ST8SIA6: variants seen among roughly 807,000 people sequenced by gnomAD.
ST8SIA6 encodes the protein ST8 alpha-N-acetyl-neuraminide alpha-2,8-sialyltransferase 6.
Under a neutral mutation model 33.6 loss-of-function variants are expected in ST8SIA6, and 39 were observed. The observed-to-expected ratio is 1.16, with a 90% CI of 0.90 to 1.52. The LOEUF is 1.52. Ranked by LOEUF, ST8SIA6 falls within the 40% of genes most tolerant of loss-of-function variation. The probability of loss-of-function intolerance (pLI) is 0.00; values close to 1 mark genes in which losing one functional copy is unlikely to be tolerated. For missense variants in ST8SIA6, 441 were observed against 443.8 expected (o/e 0.99, Z 0.06); for synonymous variants, 172 against 167.2 (o/e 1.03, Z -0.22).
chr10:17,329,831 C>T (rs943961706), intron 5 of ST8SIA6, among the ~76,000 whole-genome samples: 2 of 152,182 alleles, frequency 1.3e-5, no homozygotes, highest in African/African-American at 4.8e-5. Flanking sequence ...TGTGCACGCT[C>T]CACTGCCTGC....
Position 17,374,764 on chromosome 10 carries a change from T to TATATATATATATATATATACACAC in ST8SIA6, c.291-15165_291-15164insGTGTGTATATATATATATATATAT, listed in dbSNP as rs1441288579. Among the ~76,000 whole-genome samples, 68 of 126,844 alleles carry TATATATATATATATATATACACAC rather than the reference T, an allele frequency of 5.4e-4. 2 individuals carry two copies. The highest frequency in any genetic ancestry group is 7.8e-4 in the Non-Finnish European group (47 of 60,304). The allele number at this position is 126,844 out of a possible 152,430, so 83.2% of individuals were successfully genotyped here. A position where few individuals can be genotyped will look rare whatever the true frequency, so the allele number is the denominator to read the frequency against. On this transcript the variant is annotated intron_variant, in intron 3 of 7. Coordinates refer to ENST00000377602, the MANE Select transcript of ST8SIA6 (RefSeq NM_001004470.3). Reference sequence around the variant, plus strand: ...TAAATAAATAATAAATATATATATATATATTTAGCTCAACTGCCCTCCCAA... The same window carrying TATATATATATATATATATACACAC: ...TAAATAAATAATAAATATATATATATATATATATATATATATATACACACATATTTAGCTCAACTGCCCTCCCAA...
chr10:17,449,977 T>A (rs748960719), intron 2 of ST8SIA6, among the ~76,000 whole-genome samples: 4 of 152,126 alleles, frequency 2.6e-5, no homozygotes, highest in Non-Finnish European at 4.4e-5. Flanking sequence ...AAGAGTAGGG[T>A]CACATCTACT....
chr10:17,321,374 A>C, intron 7 of ST8SIA6, 28 bp from the exon 8 acceptor site: 1 of 1,530,080 alleles, frequency 6.5e-7, no homozygotes, highest in Non-Finnish European at 8.8e-7. Context: ...AATTATAGTA[A>C]TCCCAAGAAT....
intron 3 of ST8SIA6, among the ~76,000 whole-genome samples, chr10:17,374,764 T>TATATATATATATATATATATATATATAC (rs1441288579): frequency 7.1e-5 from 9 of 126,850 alleles, no homozygotes; most frequent in African/African-American, 2.4e-4. Flanking sequence ...TATATATATA[T>TATATATATATATATATATATATATATAC]ATATTTAGCT....
At chr10:17,322,956 C>T in intron 7 of ST8SIA6, 109 bp downstream of exon 7, 1 of 967,768 alleles carries the variant, frequency 1.0e-6, no homozygotes, top group South Asian at 2.0e-5. Flanking sequence ...AAACTCATTC[C>T]ACCTGTACTG....
intron 3 of ST8SIA6, among the ~76,000 whole-genome samples, chr10:17,371,721 G>C (rs1355530072): frequency 6.7e-6 from 1 of 149,182 alleles, no homozygotes; most frequent in Non-Finnish European, 1.5e-5. Flanking sequence ...AGGAGGCAGG[G>C]GTTGCAGTGA....
rs542359072 is a variant in ST8SIA6, at chr10:17,436,281, T to TG, written c.200+17277dup. Among the ~76,000 whole-genome samples, 488 of 152,182 alleles carry TG rather than the reference T, an allele frequency of 3.2e-3. 3 individuals carry two copies. The highest frequency in any genetic ancestry group is 9.6e-3 in the South Asian group (46 of 4,812). ...TTCCCACATGTTGTGGGAGGGTCCC[T>TG]GGGGGGGAGGTAATTGAATCATGGG... On this transcript the variant is annotated intron_variant, in intron 2 of 7. Coordinates refer to ENST00000377602, the MANE Select transcript of ST8SIA6 (RefSeq NM_001004470.3).
rs550574350 is a variant in ST8SIA6 at position 17,319,709 on chromosome 10, T to C, written c.*1169A>G. Among the ~76,000 whole-genome samples, 12 of 152,344 alleles carry C rather than the reference T, an allele frequency of 7.9e-5. No homozygotes were observed. The highest frequency in any genetic ancestry group is 1.6e-4 in the Non-Finnish European group (11 of 68,020). On this transcript the variant is annotated 3_prime_UTR_variant, in exon 8 of 8. Transcript: ENST00000377602. ...AAGTAAGCTCTAAATGTCCTAACTA[T>C]ATGTAAGTTTTATTAAAATAGCATA...
At chr10:17,453,708 T>C in intron 1 of ST8SIA6, 51 bp from the exon 2 acceptor site, 2 of 1,239,306 alleles carry the variant, frequency 1.6e-6, no homozygotes, top group South Asian at 3.9e-5. Flanking sequence ...CGGGAGCTGT[T>C]GGCTGAAAGG....
intron 2 of ST8SIA6, among the ~76,000 whole-genome samples, chr10:17,391,541 C>T (rs140461117): frequency 0.017 from 2,653 of 152,260 alleles, 77 homozygotes; most frequent in African/African-American, 0.06. Context: ...GGATTACAGG[C>T]GTGAGCCACC....
chr10:17,343,234 A>G (rs1440553459), intron 4 of ST8SIA6, among the ~76,000 whole-genome samples: 1 of 152,166 alleles, frequency 6.6e-6, no homozygotes, highest in African/African-American at 2.4e-5. Flanking sequence ...AAGGTGAACA[A>G]CGGTTGTTAA....
intron 4 of ST8SIA6, among the ~76,000 whole-genome samples, chr10:17,354,829 C>A (rs1849142664): frequency 6.6e-6 from 1 of 152,162 alleles, no homozygotes; most frequent in African/African-American, 2.4e-5. Context: ...GCCACAGATT[C>A]TTTTCCCAGA....
At chr10:17,394,722 G>C (rs1429069159) in intron 2 of ST8SIA6, among the ~76,000 whole-genome samples, 1 of 152,154 alleles carries the variant, frequency 6.6e-6, no homozygotes, top group Non-Finnish European at 1.5e-5. Flanking sequence ...GGATAAGAGA[G>C]GACACTAGCT....
chr10:17,421,649 A>T (rs1201459377), intron 2 of ST8SIA6, among the ~76,000 whole-genome samples: 1 of 151,914 alleles, frequency 6.6e-6, no homozygotes, highest in African/African-American at 2.4e-5. Flanking sequence ...TGCTGCCTCA[A>T]CCTCCTGGGA....
intron 2 of ST8SIA6, among the ~76,000 whole-genome samples, chr10:17,447,806 A>G (rs1852774312): frequency 6.6e-6 from 1 of 152,014 alleles, no homozygotes; most frequent in Admixed American, 6.5e-5. Context: ...TTTAACTAAT[A>G]TTAAAATTTA....
At chr10:17,336,594 CTTTT>C (rs10536702) in intron 4 of ST8SIA6, among the ~76,000 whole-genome samples, 2 of 126,938 alleles carry the variant, frequency 1.6e-5, no homozygotes, top group Non-Finnish European at 3.3e-5. Context: ...CACATGTGTG[CTTTT>C]TTTTTTTTTT....
intron 2 of ST8SIA6, among the ~76,000 whole-genome samples, chr10:17,401,515 A>G (rs1851041138): frequency 6.6e-6 from 1 of 152,216 alleles, no homozygotes; most frequent in Admixed American, 6.5e-5. Context: ...GCATCACGCT[A>G]CCTGACTTCA....
intron 3 of ST8SIA6, among the ~76,000 whole-genome samples, chr10:17,359,836 A>G (rs1307593843): frequency 6.6e-6 from 1 of 152,144 alleles, no homozygotes; most frequent in African/African-American, 2.4e-5. Context: ...GTGTAGTATT[A>G]AAAACCGTGA....
intron 2 of ST8SIA6, among the ~76,000 whole-genome samples, chr10:17,398,562 G>A (rs189341449): frequency 3.9e-4 from 60 of 152,234 alleles, no homozygotes; most frequent in African/African-American, 1.3e-3. Flanking sequence ...GGGCAACAAA[G>A]GAGTTTCAAG....
Sources: allele counts gnomAD v4.1 joint callset (sites outside exome capture counted in the v4.1 genomes callset), GRCh38; gene constraint gnomAD v4.1.1; transcripts MANE v1.5; gene names NCBI Gene and HGNC (gene_info 2026-07-23, HGNC 2026-07-21).